Variants in B4GALT6 observed in about 807,000 individuals in gnomAD.
B4GALT6 encodes UDP-Gal:beta-GlcNAc beta-1,4-galactosyltransferase 6.
A neutral mutation model predicts 46.3 loss-of-function variants in B4GALT6; 14 were observed. That is an observed-to-expected ratio of 0.30 (90% CI 0.20 to 0.47). B4GALT6 has a LOEUF of 0.47. B4GALT6 is among the 20% of genes least tolerant of loss of function. The pLI, the probability that B4GALT6 is intolerant of heterozygous loss-of-function variation, is 0.99. For missense variants in B4GALT6, 386 were observed against 480.1 expected (o/e 0.80, Z 1.83); for synonymous variants, 168 against 162.0 (o/e 1.04, Z -0.28).
intron 2 of B4GALT6, 24 bp from the exon 3 acceptor site, chr18:31,658,113 C>CAAAA: frequency 2.4e-6 from 3 of 1,247,142 alleles, no homozygotes; most frequent in South Asian, 1.5e-5. Flanking sequence ...AAAAGAGTTA[C>CAAAA]AAAAAAAAAA....
At chr18:31,719,232 A>G in the B4GALT6 span, 2 of 152,262 alleles carry the variant, frequency 1.3e-5, no homozygotes, top group African/African-American at 2.4e-5. Flanking sequence ...TAAGCCAGGA[A>G]TAGGGAGAAC....
At chr18:31,709,055 T>A in the B4GALT6 span, among the ~76,000 whole-genome samples, 1 of 152,208 alleles carries the variant, frequency 6.6e-6, no homozygotes, top group Non-Finnish European at 1.5e-5. Flanking sequence ...CTGTGTGACC[T>A]TTGATATGTC....
At chr18:31,704,383 T>C in the B4GALT6 span, among the ~76,000 whole-genome samples, 6 of 152,010 alleles carry the variant, frequency 3.9e-5, no homozygotes, top group African/African-American at 1.2e-4. Context: ...TAATTTATTT[T>C]TGTATTTTTA....
At position 31,656,405 on chromosome 18, in the gene B4GALT6, G is replaced by A. The variant is rs1351078252; in HGVS notation, c.346+1571C>T. On this transcript the variant is annotated intron_variant, in intron 3 of 8. Coordinates refer to ENST00000306851, the MANE Select transcript of B4GALT6 (RefSeq NM_004775.5). ...GTAGGCTTAAAAATCATGGGGCAGG[G>A]GTAGAAGATACACACACAAAAAAAA... Among the ~76,000 whole-genome samples the A allele has an allele frequency of 2.6e-5, 4 of 151,860 alleles. 1 individual carries two copies. The highest frequency in any genetic ancestry group is 5.9e-5 in the Non-Finnish European group (4 of 67,978).
the B4GALT6 span, among the ~76,000 whole-genome samples, chr18:31,701,111 T>A: frequency 6.6e-6 from 1 of 152,200 alleles, no homozygotes; most frequent in Non-Finnish European, 1.5e-5. Flanking sequence ...TGCCCACATC[T>A]CATGTTGAAT....
the B4GALT6 span, among the ~76,000 whole-genome samples, chr18:31,718,610 G>A: frequency 3.3e-5 from 5 of 152,120 alleles, no homozygotes; most frequent in African/African-American, 1.2e-4. Context: ...TATCAGAAAA[G>A]AATATTTATA....
the B4GALT6 span, among the ~76,000 whole-genome samples, chr18:31,694,175 C>T: frequency 6.6e-6 from 1 of 152,182 alleles, no homozygotes; most frequent in African/African-American, 2.4e-5. Context: ...ACAATCACGA[C>T]CAATTATGTT....
At position 31,668,845 on chromosome 18, in the gene B4GALT6, T is replaced by C. The variant is rs373696074; in HGVS notation, c.116-2473A>G. On this transcript the variant is annotated intron_variant, in intron 1 of 8. Coordinates refer to ENST00000306851, the MANE Select transcript of B4GALT6 (RefSeq NM_004775.5). ...TGAAATGCCGTCTCTACTAAAAAAA[T>C]ACAAAAAAAAAAAAAACTAGCCAGG... Among the ~76,000 whole-genome samples the C allele has an allele frequency of 2.6e-4, 24 of 92,006 alleles. No homozygotes were observed. The South Asian group carries it at 0.012, about 45-fold the overall frequency. The allele number at this position is 92,006 out of a possible 152,430, so 60.4% of individuals were successfully genotyped here. A position where few individuals can be genotyped will look rare whatever the true frequency, so the allele number is the denominator to read the frequency against.
the B4GALT6 span, among the ~76,000 whole-genome samples, chr18:31,710,507 C>T: frequency 2.6e-5 from 4 of 152,060 alleles, no homozygotes; most frequent in African/African-American, 4.8e-5. Context: ...GAAGGCAACG[C>T]GAAGACAGAG....
At chr18:31,720,224 G>A in the B4GALT6 span, among the ~76,000 whole-genome samples, 95,293 of 152,134 alleles carry the variant, frequency 0.63, 30,574 homozygotes, top group South Asian at 0.7. Flanking sequence ...TTCTTCAGTT[G>A]TAATTTTGCA....
intron 2 of B4GALT6, among the ~76,000 whole-genome samples, chr18:31,661,441 A>C (rs549574954): frequency 1.2e-4 from 19 of 152,334 alleles, no homozygotes; most frequent in African/African-American, 4.6e-4. Context: ...AAATATAAAA[A>C]GTTCTACTTA....
intron 1 of B4GALT6, among the ~76,000 whole-genome samples, chr18:31,670,045 A>G (rs1021249143): frequency 5.3e-5 from 8 of 152,068 alleles, no homozygotes; most frequent in African/African-American, 1.7e-4. Context: ...CAAAACTGTT[A>G]AAAATGATGA....
chr18:31,703,612 C>A, the B4GALT6 span, among the ~76,000 whole-genome samples: 3 of 152,168 alleles, frequency 2.0e-5, no homozygotes, highest in African/African-American at 7.2e-5. Context: ...CCCTAGAAAG[C>A]CTTCAGCAGT....
intron 5 of B4GALT6, among the ~76,000 whole-genome samples, chr18:31,636,198 T>C (rs1360035411): frequency 1.3e-5 from 2 of 152,170 alleles, no homozygotes; most frequent in Non-Finnish European, 2.9e-5. Context: ...ATTAAGTTTC[T>C]GGAAGAAAGA....
At chr18:31,697,756 T>C in the B4GALT6 span, among the ~76,000 whole-genome samples, 1 of 152,232 alleles carries the variant, frequency 6.6e-6, no homozygotes, top group Non-Finnish European at 1.5e-5. Flanking sequence ...TTCACTGTTA[T>C]ACATTGTTAG....
chr18:31,645,609 C>A, intron 3 of B4GALT6, 130 bp from the exon 4 acceptor site: 2 of 826,704 alleles, frequency 2.4e-6, no homozygotes, highest in Non-Finnish European at 3.6e-6. Context: ...CTGTTACCAC[C>A]ACAAAATTAT....
chr18:31,681,152 T>C (rs1206851641), intron 1 of B4GALT6, among the ~76,000 whole-genome samples: 1 of 152,192 alleles, frequency 6.6e-6, no homozygotes, highest in Admixed American at 6.5e-5. Flanking sequence ...CAACTCCTAT[T>C]GTTGAATGAA....
chr18:31,639,147 C>T, intron 4 of B4GALT6, among the ~76,000 whole-genome samples: 1 of 152,100 alleles, frequency 6.6e-6, no homozygotes, highest in Non-Finnish European at 1.5e-5. Context: ...GTTGAGAAAA[C>T]AGGTAATGGT....
At chr18:31,634,230 A>G (rs1358482834) in intron 5 of B4GALT6, among the ~76,000 whole-genome samples, 2 of 152,250 alleles carry the variant, frequency 1.3e-5, no homozygotes, top group Non-Finnish European at 2.9e-5. Flanking sequence ...CAGGTGCGTC[A>G]GCACTCTCAG....
Sources: allele counts gnomAD v4.1 joint callset (sites outside exome capture counted in the v4.1 genomes callset), GRCh38; gene constraint gnomAD v4.1.1; transcripts MANE v1.5; gene names NCBI Gene and HGNC (gene_info 2026-07-23, HGNC 2026-07-21).